CSMD1: variants seen among roughly 807,000 people sequenced by gnomAD.
The protein encoded by CSMD1 is CUB and sushi domain-containing protein 1.
Under a neutral mutation model 417.5 loss-of-function variants are expected in CSMD1, and 213 were observed. The observed-to-expected ratio is 0.51, with a 90% CI of 0.46 to 0.57. The LOEUF (loss-of-function observed/expected upper bound fraction) is 0.57, where lower values mean the gene tolerates loss of function less well. Ranked by LOEUF, CSMD1 falls within the 20% of genes least tolerant of loss-of-function variation. CSMD1 has a pLI of 0.00. For missense variants in CSMD1, 6,923 were observed against 4,529.7 expected (o/e 1.53, Z -15.17); for synonymous variants, 2,862 against 1,736.8 (o/e 1.65, Z -16.11).
intron 5 of CSMD1, among the ~76,000 whole-genome samples, chr8:3,937,480 C>T (rs1433684775): frequency 6.6e-6 from 1 of 152,084 alleles, no homozygotes; most frequent in Non-Finnish European, 1.5e-5. Context: ...AGACCTTCCA[C>T]CAGCAAAAAG....
chr8:3,367,293 C>A (rs1008680716), intron 19 of CSMD1, 46 bp from the exon 20 acceptor site: 14 of 1,386,652 alleles, frequency 1.0e-5, no homozygotes, highest in Admixed American at 1.9e-5. Flanking sequence ...GAGAGAGACA[C>A]ACGGGGCGGC....
At chr8:3,992,897 A>G (rs1317005181) in intron 5 of CSMD1, among the ~76,000 whole-genome samples, 1 of 152,274 alleles carries the variant, frequency 6.6e-6, no homozygotes, top group Non-Finnish European at 1.5e-5. Flanking sequence ...CTGCTTTTCC[A>G]AAGCCATTTT....
At chr8:4,990,748 T>C (rs555160043) in intron 1 of CSMD1, among the ~76,000 whole-genome samples, 3 of 152,208 alleles carry the variant, frequency 2.0e-5, no homozygotes, top group African/African-American at 7.2e-5. Context: ...AGGAAGGGTA[T>C]TGGGTGCGGC....
chr8:3,177,137 T>G (rs1017131179), intron 37 of CSMD1, among the ~76,000 whole-genome samples: 1 of 152,064 alleles, frequency 6.6e-6, no homozygotes, highest in Non-Finnish European at 1.5e-5. Context: ...GCATGCTACG[T>G]GTGAAGCAAA....
At chr8:4,382,511 T>G (rs1002449919) in intron 3 of CSMD1, among the ~76,000 whole-genome samples, 3 of 152,334 alleles carry the variant, frequency 2.0e-5, no homozygotes, top group Admixed American at 6.5e-5. Context: ...TTCACCGCTC[T>G]TCTTTTAAAC....
chr8:3,941,538 T>C (rs1810883018), intron 5 of CSMD1, among the ~76,000 whole-genome samples: 1 of 152,172 alleles, frequency 6.6e-6, no homozygotes, highest in Non-Finnish European at 1.5e-5. Context: ...TAAAGTGCTC[T>C]CTCTCCGAGC....
intron 12 of CSMD1, among the ~76,000 whole-genome samples, chr8:3,463,250 GCA>G (rs1475538703): frequency 2.6e-5 from 4 of 152,070 alleles, no homozygotes; most frequent in Non-Finnish European, 5.9e-5. Context: ...ACGATTCCAA[GCA>G]CACTCCCAAT....
At chr8:4,579,020 C>A (rs1191271298) in intron 2 of CSMD1, among the ~76,000 whole-genome samples, 2 of 151,666 alleles carry the variant, frequency 1.3e-5, no homozygotes, top group Admixed American at 6.6e-5. Flanking sequence ...AAATGTTTAT[C>A]ACATAAAGGC....
At chr8:3,007,781 G>T (rs1468941414) in intron 52 of CSMD1, among the ~76,000 whole-genome samples, 41 of 118,090 alleles carry the variant, frequency 3.5e-4, no homozygotes, top group Non-Finnish European at 6.1e-4. Context: ...TGGGGTGGGG[G>T]GAGGGGGGAG....
At chr8:3,314,073 G>C (rs985109632) in intron 23 of CSMD1, among the ~76,000 whole-genome samples, 2 of 151,014 alleles carry the variant, frequency 1.3e-5, no homozygotes, top group African/African-American at 4.9e-5. Context: ...TGAACAATGA[G>C]AACACATGGA....
chr8:4,370,222 G>A (rs564667829), intron 3 of CSMD1, among the ~76,000 whole-genome samples: 3 of 152,236 alleles, frequency 2.0e-5, no homozygotes, highest in Non-Finnish European at 4.4e-5. Context: ...GGTGAGATAC[G>A]AAATTCTTGT....
intron 2 of CSMD1, among the ~76,000 whole-genome samples, chr8:4,591,523 G>A (rs972226506): frequency 3.3e-5 from 5 of 152,144 alleles, no homozygotes; most frequent in South Asian, 2.1e-4. Flanking sequence ...GTGGTATAGC[G>A]TGATTACAGA....
At chr8:3,254,127 C>T (rs566988860) in intron 26 of CSMD1, among the ~76,000 whole-genome samples, 2 of 152,234 alleles carry the variant, frequency 1.3e-5, no homozygotes, top group East Asian at 1.9e-4. Flanking sequence ...TTCTCCTTCA[C>T]TTAGGAAGCT....
At chr8:4,408,977 G>C (rs1297059709) in intron 3 of CSMD1, among the ~76,000 whole-genome samples, 1 of 152,188 alleles carries the variant, frequency 6.6e-6, no homozygotes, top group Non-Finnish European at 1.5e-5. Flanking sequence ...AATGAACTGT[G>C]AATTCTTTGC....
chr8:3,731,715 G>A (rs1796271846), intron 6 of CSMD1, among the ~76,000 whole-genome samples: 1 of 152,170 alleles, frequency 6.6e-6, no homozygotes, highest in Non-Finnish European at 1.5e-5. Flanking sequence ...CAGAGGCTTA[G>A]AGCACAGAAT....
chr8:4,239,343 C>T (rs1391976705), intron 3 of CSMD1, among the ~76,000 whole-genome samples: 1 of 152,188 alleles, frequency 6.6e-6, no homozygotes, highest in Non-Finnish European at 1.5e-5. Context: ...TGCCCTTCAA[C>T]CTTGGTGGAA....
At chr8:4,753,580 T>A (rs989476179) in intron 1 of CSMD1, among the ~76,000 whole-genome samples, 1 of 152,248 alleles carries the variant, frequency 6.6e-6, no homozygotes, top group East Asian at 1.9e-4. Flanking sequence ...TCACTTCTCA[T>A]TGGCACCCAT....
chr8:3,938,796 C>T (rs1187396686), intron 5 of CSMD1, among the ~76,000 whole-genome samples: 2 of 152,228 alleles, frequency 1.3e-5, no homozygotes, highest in South Asian at 2.1e-4. Flanking sequence ...TGAATCCAAA[C>T]ATTTTCTTCA....
chr8:4,504,999 G>T (rs1190528196), intron 2 of CSMD1, among the ~76,000 whole-genome samples: 1 of 152,204 alleles, frequency 6.6e-6, no homozygotes. Flanking sequence ...TATATACCCA[G>T]TAATGGGATT....
Sources: gnomAD v4.1 joint callset for allele counts (sites outside exome capture counted in the v4.1 genomes callset) on GRCh38, gnomAD v4.1.1 for gene constraint, MANE v1.5 for transcripts, NCBI Gene and HGNC (gene_info 2026-07-23, HGNC 2026-07-21) for gene names.